Variants in PPARGC1A observed in about 807,000 individuals in gnomAD.
The protein encoded by PPARGC1A is peroxisome proliferator-activated receptor gamma coactivator 1-alpha.
Under a neutral mutation model 88.7 loss-of-function variants are expected in PPARGC1A, and 25 were observed. The ratio of observed to expected loss-of-function variants is 0.28; its 90% CI spans 0.21 to 0.39. The LOEUF is 0.39. Among genes scored for constraint, PPARGC1A ranks in the 10% least tolerant of loss-of-function variants. The pLI is 1.00. For synonymous variants in PPARGC1A, 363 were observed against 355.6 expected (o/e 1.02, Z -0.24); for missense variants, 880 against 968.7 (o/e 0.91, Z 1.22).
chr4:24,150,918 CCTCT>C, the PPARGC1A span, among the ~76,000 whole-genome samples: 3 of 152,182 alleles, frequency 2.0e-5, no homozygotes, highest in Non-Finnish European at 4.4e-5. Flanking sequence ...GATACCCTCT[CCTCT>C]CTATTTCCAC....
At chr4:24,207,666 A>C in the PPARGC1A span, among the ~76,000 whole-genome samples, 1 of 152,236 alleles carries the variant, frequency 6.6e-6, no homozygotes, top group Non-Finnish European at 1.5e-5. Context: ...AAGCATTGTG[A>C]TGCCTGATTT....
the PPARGC1A span, among the ~76,000 whole-genome samples, chr4:24,184,052 C>T: frequency 2.3e-4 from 35 of 152,274 alleles, no homozygotes; most frequent in African/African-American, 7.7e-4. Flanking sequence ...GCACTTCTGT[C>T]CTCTGATATC....
chr4:24,347,295 AT>A, the PPARGC1A span, among the ~76,000 whole-genome samples: 7 of 101,546 alleles, frequency 6.9e-5, no homozygotes, highest in Non-Finnish European at 1.4e-4. Context: ...GTTCCAAGAT[AT>A]AGTTTAAATC....
the PPARGC1A span, among the ~76,000 whole-genome samples, chr4:24,393,586 G>A: frequency 6.6e-6 from 1 of 152,216 alleles, no homozygotes; most frequent in Non-Finnish European, 1.5e-5. Flanking sequence ...ATGCAAAGGA[G>A]TTCCATTATT....
chr4:24,091,167 G>C, the PPARGC1A span, among the ~76,000 whole-genome samples: 1 of 152,208 alleles, frequency 6.6e-6, no homozygotes, highest in Non-Finnish European at 1.5e-5. Context: ...AAATCTGCAT[G>C]TTTCCCTTGA....
At chr4:23,921,263 C>A in the PPARGC1A span, among the ~76,000 whole-genome samples, 1 of 152,138 alleles carries the variant, frequency 6.6e-6, no homozygotes, top group African/African-American at 2.4e-5. Flanking sequence ...CCTCGGATAA[C>A]CAAGTGCATG....
chr4:24,151,543 C>A, the PPARGC1A span, among the ~76,000 whole-genome samples: 1 of 152,172 alleles, frequency 6.6e-6, no homozygotes, highest in South Asian at 2.1e-4. Context: ...CACATTCAGT[C>A]TATAGTACCT....
chr4:24,421,363 T>C, the PPARGC1A span, among the ~76,000 whole-genome samples: 8 of 149,924 alleles, frequency 5.3e-5, no homozygotes, highest in African/African-American at 2.0e-4. Flanking sequence ...CAGGCTGGAG[T>C]GCAGTGGCGC....
the PPARGC1A span, among the ~76,000 whole-genome samples, chr4:24,163,225 T>C: frequency 8.1e-5 from 12 of 148,888 alleles, no homozygotes; most frequent in Admixed American, 4.1e-4. Context: ...AAAAGATTTG[T>C]TGTGAAAAAC....
chr4:24,122,414 T>TGTGTGC, the PPARGC1A span, among the ~76,000 whole-genome samples: 1 of 112,242 alleles, frequency 8.9e-6, no homozygotes, highest in South Asian at 2.9e-4. Context: ...TGTGTGTGTG[T>TGTGTGC]GCATATATAT....
chr4:23,963,272 T>C, the PPARGC1A span, among the ~76,000 whole-genome samples: 1 of 152,208 alleles, frequency 6.6e-6, no homozygotes, highest in Non-Finnish European at 1.5e-5. Context: ...CACTGGCCTC[T>C]CTTATTGCTA....
intron 2 of PPARGC1A, among the ~76,000 whole-genome samples, chr4:23,845,630 T>C (rs1728182111): frequency 6.6e-6 from 1 of 152,128 alleles, no homozygotes; most frequent in Admixed American, 6.5e-5. Flanking sequence ...CCAGCTCCTT[T>C]CTCCAAGAAA....
At chr4:24,241,238 AAAAC>A in the PPARGC1A span, among the ~76,000 whole-genome samples, 2 of 152,274 alleles carry the variant, frequency 1.3e-5, no homozygotes, top group East Asian at 1.9e-4. Flanking sequence ...AGTAAAAAGC[AAAAC>A]AAACAAACAA....
At chr4:23,912,883 G>A in the PPARGC1A span, among the ~76,000 whole-genome samples, 2 of 151,238 alleles carry the variant, frequency 1.3e-5, no homozygotes, top group Non-Finnish European at 2.9e-5. Context: ...CCGCTTCCTG[G>A]GTTCATGCCA....
At chr4:24,439,141 T>C in the PPARGC1A span, among the ~76,000 whole-genome samples, 3 of 152,084 alleles carry the variant, frequency 2.0e-5, no homozygotes, top group Non-Finnish European at 4.4e-5. Flanking sequence ...AGCCCTAGAA[T>C]ATTGTCCTCC....
chr4:24,409,187 A>G, the PPARGC1A span, among the ~76,000 whole-genome samples: 1 of 152,244 alleles, frequency 6.6e-6, no homozygotes, highest in African/African-American at 2.4e-5. Flanking sequence ...AAGACTACAG[A>G]GAAAAGAATA....
the PPARGC1A span, among the ~76,000 whole-genome samples, chr4:24,322,025 T>C: frequency 1.3e-5 from 2 of 152,240 alleles, no homozygotes; most frequent in African/African-American, 2.4e-5. Flanking sequence ...ACTGACCTAA[T>C]AGAAGCATCA....
At chr4:24,466,307 G>A in the PPARGC1A span, among the ~76,000 whole-genome samples, 2 of 152,146 alleles carry the variant, frequency 1.3e-5, no homozygotes, top group Non-Finnish European at 2.9e-5. Flanking sequence ...CACAAAGCTG[G>A]CAAATAAATG....
the PPARGC1A span, among the ~76,000 whole-genome samples, chr4:24,360,275 T>C: frequency 6.6e-6 from 1 of 152,090 alleles, no homozygotes; most frequent in Non-Finnish European, 1.5e-5. Flanking sequence ...ATCAAATTAT[T>C]TCACTTCTCA....
Sources: gnomAD v4.1 joint callset for allele counts (sites outside exome capture counted in the v4.1 genomes callset) on GRCh38, gnomAD v4.1.1 for gene constraint, MANE v1.5 for transcripts, NCBI Gene and HGNC (gene_info 2026-07-23, HGNC 2026-07-21) for gene names.